Variants in CTNNA2 observed in about 807,000 individuals in gnomAD.
CTNNA2 encodes the protein catenin alpha 2.
A neutral mutation model predicts 101.0 loss-of-function variants in CTNNA2; 42 were observed. The ratio of observed to expected loss-of-function variants is 0.42; its 90% CI spans 0.32 to 0.54. CTNNA2 has a LOEUF of 0.54. Among genes scored for constraint, CTNNA2 ranks in the 20% least tolerant of loss-of-function variants. The pLI is 0.14. For synonymous variants in CTNNA2, 450 were observed against 456.4 expected (o/e 0.99, Z 0.18); for missense variants, 871 against 1,223.1 (o/e 0.71, Z 4.29).
At chr2:80,569,396 C>T (rs1694353101) in intron 12 of CTNNA2, among the ~76,000 whole-genome samples, 2 of 152,058 alleles carry the variant, frequency 1.3e-5, no homozygotes, top group South Asian at 4.2e-4. Flanking sequence ...CTATTAAGAA[C>T]AAATCAGCAT....
At chr2:80,468,829 CAGTTAAA>C (rs1685067508) in intron 9 of CTNNA2, among the ~76,000 whole-genome samples, 1 of 152,180 alleles carries the variant, frequency 6.6e-6, no homozygotes, top group Admixed American at 6.5e-5. Context: ...AGTAAGTGAT[CAGTTAAA>C]ACTTAGCAGC....
chr2:79,509,473 C>T (rs1671488756), upstream of CTNNA2, among the ~76,000 whole-genome samples: 1 of 152,136 alleles, frequency 6.6e-6, no homozygotes, highest in South Asian at 2.1e-4. Context: ...TGGAATCTTA[C>T]ATGCATATTA....
At chr2:80,047,087 C>T (rs935504353) in intron 7 of CTNNA2, among the ~76,000 whole-genome samples, 2 of 152,112 alleles carry the variant, frequency 1.3e-5, no homozygotes, top group African/African-American at 4.8e-5. Flanking sequence ...AAAATCAGCC[C>T]TGGTTGAAAA....
At chr2:79,440,358 A>G (rs1678764145) in intron 4 of CTNNA2, among the ~76,000 whole-genome samples, 1 of 152,156 alleles carries the variant, frequency 6.6e-6, no homozygotes, top group Non-Finnish European at 1.5e-5. Flanking sequence ...CCAGCTCTGG[A>G]ACCAATGCGC....
chr2:80,170,229 C>G (rs1163352262), intron 7 of CTNNA2, among the ~76,000 whole-genome samples: 6 of 149,408 alleles, frequency 4.0e-5, no homozygotes, highest in Non-Finnish European at 7.4e-5. Context: ...CTCTCTCTCT[C>G]TCTGTGTGTG....
At position 80,149,170 on chromosome 2, in the gene CTNNA2, C is replaced by G. The variant is rs143329270; in HGVS notation, c.1056+239373C>G. 2.6e-5 allele frequency among the ~76,000 whole-genome samples: 4 copies of G among 152,090 alleles called. No homozygotes were observed. The East Asian group carries it at 7.7e-4, about 29-fold the overall frequency. ...GACTCAACCTCCTGAGTGGCTGTGA[C>G]TACAGGTGCATGCCAGTGTATCCAG... On this transcript the variant is annotated intron_variant, in intron 7 of 18. Coordinates refer to ENST00000402739, the MANE Select transcript of CTNNA2 (RefSeq NM_001282597.3).
intron 7 of CTNNA2, among the ~76,000 whole-genome samples, chr2:79,978,259 T>C (rs1383935669): frequency 6.6e-6 from 1 of 152,152 alleles, no homozygotes; most frequent in East Asian, 1.9e-4. Flanking sequence ...GGGTCAAAGT[T>C]AGGGAGAAGG....
intron 1 of CTNNA2, among the ~76,000 whole-genome samples, chr2:79,647,749 T>A (rs1680922598): frequency 1.3e-5 from 2 of 152,316 alleles, no homozygotes; most frequent in African/African-American, 2.4e-5. Context: ...AATGGCAAAA[T>A]CTCAGTGGCA....
intron 2 of CTNNA2, among the ~76,000 whole-genome samples, chr2:79,744,075 A>G (rs1225577638): frequency 6.6e-6 from 1 of 152,122 alleles, no homozygotes; most frequent in Non-Finnish European, 1.5e-5. Context: ...TCCAAGGAGC[A>G]CTGTACCTGT....
At chr2:80,340,215 A>G (rs533461980) in intron 7 of CTNNA2, among the ~76,000 whole-genome samples, 3 of 152,320 alleles carry the variant, frequency 2.0e-5, no homozygotes, top group Non-Finnish European at 4.4e-5. Context: ...TCCTGCGGTT[A>G]TGTCAGTACA....
intron 4 of CTNNA2, among the ~76,000 whole-genome samples, chr2:79,377,085 A>G (rs528200890): frequency 9.2e-5 from 14 of 151,536 alleles, no homozygotes; most frequent in Non-Finnish European, 1.6e-4. Context: ...TGGTTGAACT[A>G]GTTTACAGTC....
intron 9 of CTNNA2, among the ~76,000 whole-genome samples, chr2:80,502,576 C>G (rs1368262535): frequency 6.6e-6 from 1 of 152,168 alleles, no homozygotes; most frequent in Non-Finnish European, 1.5e-5. Context: ...GTGTTCTTTC[C>G]TCTTCCTCAA....
At chr2:79,536,574 A>AGTATGTGTGTGTGTGTGT (rs34403615) in intron 1 of CTNNA2, among the ~76,000 whole-genome samples, 16,635 of 146,528 alleles carry the variant, frequency 0.11, 1,192 homozygotes, top group Non-Finnish European at 0.15. Flanking sequence ...TCTCTAAAGA[A>AGTATGTGTGTGTGTGTGT]GTGTGTGTGT....
At chr2:80,182,311 G>A (rs1705835477) in intron 7 of CTNNA2, among the ~76,000 whole-genome samples, 1 of 152,194 alleles carries the variant, frequency 6.6e-6, no homozygotes, top group African/African-American at 2.4e-5. Flanking sequence ...GAGAAAGATG[G>A]AGGCCAGAAG....
intron 2 of CTNNA2, among the ~76,000 whole-genome samples, chr2:79,274,840 T>C (rs1053685383): frequency 4.6e-5 from 7 of 151,994 alleles, no homozygotes; most frequent in East Asian, 1.9e-4. Context: ...ATGAAAGATA[T>C]CAGGTACCAA....
At chr2:80,228,225 C>T (rs528102140) in intron 7 of CTNNA2, among the ~76,000 whole-genome samples, 11 of 152,182 alleles carry the variant, frequency 7.2e-5, no homozygotes, top group Non-Finnish European at 1.5e-4. Context: ...TTATAAACAA[C>T]AGAAGTTTAT....
intron 7 of CTNNA2, among the ~76,000 whole-genome samples, chr2:80,342,684 T>G (rs926762742): frequency 1.3e-5 from 2 of 152,182 alleles, no homozygotes; most frequent in Admixed American, 1.3e-4. Context: ...TGAAAAAAAA[T>G]GCAGAGTGCC....
At chr2:79,726,768 G>C (rs1286322085) in intron 2 of CTNNA2, among the ~76,000 whole-genome samples, 1 of 152,156 alleles carries the variant, frequency 6.6e-6, no homozygotes, top group African/African-American at 2.4e-5. Context: ...TTTAAAATGG[G>C]GTAGAGAGAT....
intron 1 of CTNNA2, among the ~76,000 whole-genome samples, chr2:79,636,294 A>AAAAAAG (rs1680061271): frequency 7.6e-6 from 1 of 131,598 alleles, no homozygotes; most frequent in African/African-American, 3.0e-5. Context: ...AAAAAAAAAA[A>AAAAAAG]AAAAAGGAAG....
Sources: gnomAD v4.1 joint callset for allele counts (sites outside exome capture counted in the v4.1 genomes callset) on GRCh38, gnomAD v4.1.1 for gene constraint, MANE v1.5 for transcripts, NCBI Gene and HGNC (gene_info 2026-07-23, HGNC 2026-07-21) for gene names.